RINT1: variants seen among roughly 807,000 people sequenced by gnomAD.
RINT1 encodes RAD50 interactor 1, also known as RAD50-interacting protein 1.
In RINT1, 75 loss-of-function variants were observed where a neutral mutation model predicts 97.7. The observed-to-expected ratio is 0.77, with a 90% CI of 0.64 to 0.93. The LOEUF (loss-of-function observed/expected upper bound fraction) is 0.93. Ranked by LOEUF, RINT1 falls within the 40% of genes least tolerant of loss-of-function variation. RINT1 has a pLI of 0.00. For missense variants in RINT1, 892 were observed against 925.2 expected (o/e 0.96, Z 0.47); for synonymous variants, 303 against 326.3 (o/e 0.93, Z 0.77).
chr7:105,544,100 C>CAA (rs112410324), intron 4 of RINT1, among the ~76,000 whole-genome samples: 2 of 138,818 alleles, frequency 1.4e-5, no homozygotes, highest in African/African-American at 2.7e-5. Flanking sequence ...AACTCCGTCT[C>CAA]AAAAAAAAAA....
At chr7:105,545,502 T>G (rs1034367263) in intron 4 of RINT1, among the ~76,000 whole-genome samples, 3 of 149,782 alleles carry the variant, frequency 2.0e-5, no homozygotes, top group Non-Finnish European at 4.4e-5. Context: ...TTGAAATTCT[T>G]CTGTAATATT....
At chr7:105,545,329 A>G (rs1790617564) in intron 4 of RINT1, among the ~76,000 whole-genome samples, 1 of 151,014 alleles carries the variant, frequency 6.6e-6, no homozygotes, top group African/African-American at 2.4e-5. Context: ...GTGAGCACCC[A>G]TAGTCCCAGC....
At chr7:105,559,007 A>C (rs1350869567) in intron 11 of RINT1, among the ~76,000 whole-genome samples, 1 of 152,136 alleles carries the variant, frequency 6.6e-6, no homozygotes, top group Non-Finnish European at 1.5e-5. Flanking sequence ...GTATAATCTC[A>C]TGCTGAATTA....
chr7:105,559,540 C>CAAAAAAAA (rs60718751), intron 11 of RINT1, among the ~76,000 whole-genome samples: 7 of 59,038 alleles, frequency 1.2e-4, no homozygotes, highest in Non-Finnish European at 1.8e-4. Context: ...GACTCTGTCT[C>CAAAAAAAA]AAAAAAAAAA....
chr7:105,564,151 G>C (rs370490511), intron 12 of RINT1, among the ~76,000 whole-genome samples: 3 of 152,046 alleles, frequency 2.0e-5, no homozygotes, highest in Non-Finnish European at 4.4e-5. Flanking sequence ...GCAGTTGCAC[G>C]ATCTTGGCTC....
Position 105,548,713 on chromosome 7 carries a change from G to A in RINT1, c.996+3G>A, listed in dbSNP as rs756739478. 1.3e-6 allele frequency: 2 copies of A among 1,599,242 alleles called. No homozygotes were observed. Among genetic ancestry groups the A allele is most frequent in the Middle Eastern group, 1.7e-4 (1 of 6,012 alleles). On this transcript the variant is annotated splice_donor_region_variant and intron_variant, in intron 7 of 14. Coordinates refer to ENST00000257700, the MANE Select transcript of RINT1 (RefSeq NM_021930.6). ...GGCAGACTAATGTGTTAAGCAAGGT[G>A]TGTTTTGCCAGCTCTTGTCCTTGGT...
intron 7 of RINT1, among the ~76,000 whole-genome samples, chr7:105,549,436 C>T (rs1195067747): frequency 6.6e-6 from 1 of 151,850 alleles, no homozygotes; most frequent in African/African-American, 2.4e-5. Context: ...GCAACCTCTG[C>T]CTCCCGCGTT....
chr7:105,549,945 T>G, intron 7 of RINT1, 110 bp from the exon 8 acceptor site: 3 of 661,584 alleles, frequency 4.5e-6, no homozygotes, highest in South Asian at 2.5e-5. Context: ...TACAGGAATT[T>G]TCAACTAATT....
intron 11 of RINT1, among the ~76,000 whole-genome samples, chr7:105,557,479 A>C (rs900154933): frequency 6.6e-6 from 1 of 152,150 alleles, no homozygotes. Context: ...ACAGGAAATA[A>C]AAGCGGAAAT....
At chr7:105,557,068 C>A (rs149974283) in intron 11 of RINT1, among the ~76,000 whole-genome samples, 1 of 151,948 alleles carries the variant, frequency 6.6e-6, no homozygotes, top group African/African-American at 2.4e-5. Flanking sequence ...CATGACAGAA[C>A]GCATAAACAG....
At chr7:105,534,434 A>G (rs1053977821) in intron 2 of RINT1, among the ~76,000 whole-genome samples, 1 of 152,060 alleles carries the variant, frequency 6.6e-6, no homozygotes, top group African/African-American at 2.4e-5. Flanking sequence ...TTTAGCATTC[A>G]CAAAACATTT....
chr7:105,535,831 C>T (rs1223573349), intron 2 of RINT1: 11 of 223,518 alleles, frequency 4.9e-5, no homozygotes. Context: ...AGCCCCTGCG[C>T]CCGGTCTTTT....
chr7:105,563,910 G>T lies in RINT1; in HGVS notation c.1849G>T (p.Glu617Ter), dbSNP rs1421126665. 6.2e-7 allele frequency: 1 copy of T among 1,614,062 alleles called. No individual in the cohort carries two copies. Among genetic ancestry groups the T allele is most frequent in the Admixed American group, 1.7e-5 (1 of 60,004 alleles). The stretch of plus-strand genomic sequence containing the variant: ...CCGTCAAGTAGACCACGTTTTTAGA[G>T]AAGTTAAAGATGCTGCAAAATTGTA... Reference protein sequence around the residue: ...LTRQVDHVFREVKDAAKLYKK... With the variant: ...LTRQVDHVFR The change falls in exon 12 of 15, where the codon GAA becomes TAA. Residue 617 changes from glutamate (E) to a stop codon, truncating the protein, a stop_gained. Coordinates refer to ENST00000257700, the MANE Select transcript of RINT1 (RefSeq NM_021930.6). LOFTEE classifies it high-confidence loss of function.
At chr7:105,535,472 C>T (rs939280306) in intron 2 of RINT1, 24 of 410,000 alleles carry the variant, frequency 5.9e-5, no homozygotes, top group Non-Finnish European at 1.1e-4. Context: ...TTGTGATCTG[C>T]CTGCCTCAAC....
chr7:105,536,065 T>C (rs558167832), intron 2 of RINT1, among the ~76,000 whole-genome samples: 1 of 152,332 alleles, frequency 6.6e-6, no homozygotes, highest in South Asian at 2.1e-4. Flanking sequence ...TTTGTCTGTG[T>C]GTGTTGTTCT....
intron 1 of RINT1, 74 bp from the exon 2 acceptor site, chr7:105,532,750 C>A: frequency 6.6e-7 from 1 of 1,509,486 alleles, no homozygotes; most frequent in Non-Finnish European, 9.2e-7. Context: ...CAGTGGGTGC[C>A]CTTTGGGAGC....
At chr7:105,560,296 G>C (rs868560479) in intron 11 of RINT1, among the ~76,000 whole-genome samples, 1 of 152,166 alleles carries the variant, frequency 6.6e-6, no homozygotes, top group African/African-American at 2.4e-5. Flanking sequence ...AGTTATGTGT[G>C]CATCCCTGGC....
At chr7:105,537,398 G>A (rs1053263281) in intron 3 of RINT1, among the ~76,000 whole-genome samples, 20 of 151,482 alleles carry the variant, frequency 1.3e-4, no homozygotes, top group African/African-American at 9.7e-5. Context: ...CCATAGTTCC[G>A]GGATTACAGA....
intron 11 of RINT1, among the ~76,000 whole-genome samples, chr7:105,563,055 A>C (rs1791508671): frequency 6.7e-6 from 1 of 149,546 alleles, no homozygotes; most frequent in Non-Finnish European, 1.5e-5. Context: ...ATGGAATATT[A>C]CCTGGCAATG....
Sources: allele counts gnomAD v4.1 joint callset (sites outside exome capture counted in the v4.1 genomes callset), GRCh38; gene constraint gnomAD v4.1.1; transcripts MANE v1.5; gene names NCBI Gene and HGNC (gene_info 2026-07-23, HGNC 2026-07-21).